AKT1S1: variants seen among roughly 807,000 people sequenced by gnomAD.
AKT1S1 encodes the protein AKT1 substrate 1.
AKT1S1 carries 17 observed loss-of-function variants against 21.2 expected under a neutral mutation model. The observed-to-expected ratio is 0.80, with a 90% CI of 0.55 to 1.20. The LOEUF is 1.20. AKT1S1 is among the 50% of genes most tolerant of loss of function. The pLI is 0.00. For synonymous variants in AKT1S1, 181 were observed against 165.6 expected (o/e 1.09, Z -0.72); for missense variants, 366 against 368.3 (o/e 0.99, Z 0.05).
Position 49,873,224 on chromosome 19 carries a change from A to C in AKT1S1, c.72T>G (p.Thr24=). 6.5e-7 allele frequency: 1 copy of C among 1,535,902 alleles called. No individual in the cohort carries two copies. The highest frequency in any genetic ancestry group is 8.7e-7 in the Non-Finnish European group (1 of 1,150,942). ...VGAAERFRAR[T]GTELVLLTAA... ...CGGTCAGCAGCACCAGCTCCGTGCC[A>C]GTCCGGGCCCGGAAGCGCTCAGCGG... Residue 24 remains threonine (T), a synonymous_variant, in exon 2 of 5, where the codon ACT becomes ACG. Transcript: ENST00000344175. This position sits in a 1 kb window ranked among gnomAD's most constrained non-coding sequence, Gnocchi z 6.9.
At position 49,869,621 on chromosome 19, in the gene AKT1S1, A is replaced by C. The variant is rs998005226; in HGVS notation, c.*296T>G. 9.6e-6 allele frequency: 3 copies of C among 313,550 alleles called. No homozygotes were observed. Among genetic ancestry groups the C allele is most frequent in the Admixed American group, 5.0e-5 (1 of 19,962 alleles). 19.4% of individuals were successfully genotyped at this position (313,550 alleles called of 1,614,324 possible). On this transcript the variant is annotated 3_prime_UTR_variant, in exon 5 of 5. Coordinates refer to ENST00000344175, the MANE Select transcript of AKT1S1 (RefSeq NM_001098633.4). The stretch of plus-strand genomic sequence containing the variant: ...CTTGTCGCTAGGCGGAAAACAAAGG[A>C]GTTGACCCATTTAGAGCTTAGAACT...
intron 4 of AKT1S1, among the ~76,000 whole-genome samples, chr19:49,871,284 T>A (rs1457779321): frequency 6.6e-6 from 1 of 152,220 alleles, no homozygotes. Flanking sequence ...CCAAAACACC[T>A]GTGCCTTGCC....
At chr19:49,877,592 A>G (rs1600439484), upstream of AKT1S1, 1 of 954,400 alleles carries the variant, frequency 1.0e-6, no homozygotes, top group Admixed American at 3.0e-5. Context: ...AAATGGTTTC[A>G]CCCGCTCCTT....
At chr19:49,878,049 C>G (rs1478833630), upstream of AKT1S1, 9 of 1,066,514 alleles carry the variant, frequency 8.4e-6, no homozygotes, top group Non-Finnish European at 1.2e-5. Flanking sequence ...GCCCCGCCCC[C>G]TGAGGGTGGC....
intron 4 of AKT1S1, among the ~76,000 whole-genome samples, 159 bp from the exon 5 acceptor site, chr19:49,870,219 C>T (rs182050956): frequency 1.3e-4 from 20 of 152,352 alleles, no homozygotes; most frequent in African/African-American, 4.3e-4. Context: ...TGCCCCTCCC[C>T]GTCTTGCTCC....
intron 1 of AKT1S1, chr19:49,876,125 G>A (rs1051077756): frequency 2.0e-6 from 2 of 991,050 alleles, no homozygotes; most frequent in Non-Finnish European, 2.4e-6. Context: ...AAGATGTGAG[G>A]AACCTGAGCA....
Position 49,869,898 on chromosome 19 carries a change from G to C in AKT1S1, c.*19C>G. 6.8e-7 allele frequency: 1 copy of C among 1,478,964 alleles called. No homozygotes were observed. The highest frequency in any genetic ancestry group is 9.1e-7 in the Non-Finnish European group (1 of 1,101,898). The allele number at this position is 1,478,964 out of a possible 1,614,324, so 91.6% of individuals were successfully genotyped here. A position where few individuals can be genotyped will look rare whatever the true frequency, so the allele number is the denominator to read the frequency against. On this transcript the variant is annotated 3_prime_UTR_variant, in exon 5 of 5. Coordinates refer to ENST00000344175, the MANE Select transcript of AKT1S1 (RefSeq NM_001098633.4). ...GTGGGACGGGGCGGACGCGGCCCGG[G>C]GCGCTCCCTCCCTGGACTTCAATAT... is the stretch of plus-strand genomic sequence containing the variant.
intron 4 of AKT1S1, among the ~76,000 whole-genome samples, chr19:49,871,223 T>C (rs1290862621): frequency 6.6e-6 from 1 of 152,022 alleles, no homozygotes; most frequent in Non-Finnish European, 1.5e-5. Flanking sequence ...AGGGTGGGGA[T>C]GGGAGGTGAT....
rs913142707 is a variant in AKT1S1 at position 49,869,820 on chromosome 19, G to C, written c.*97C>G. 1.6e-6 allele frequency: 2 copies of C among 1,243,640 alleles called. No homozygotes were observed. The highest frequency in any genetic ancestry group is 2.1e-5 in the South Asian group (1 of 47,612). 77.0% of individuals were successfully genotyped at this position (1,243,640 alleles called of 1,614,324 possible). On this transcript the variant is annotated 3_prime_UTR_variant, in exon 5 of 5. Coordinates refer to ENST00000344175, the MANE Select transcript of AKT1S1 (RefSeq NM_001098633.4). ...GGGAATGGGAGACGCAAGGAGGCCG[G>C]TCCCGGATCGGCCTCAGATTAGCAG...
intron 2 of AKT1S1, 121 bp downstream of exon 2, chr19:49,872,796 G>A (rs1325626908): frequency 2.5e-6 from 3 of 1,211,340 alleles, no homozygotes; most frequent in Non-Finnish European, 3.4e-6. Context: ...GTCTGGCTCT[G>A]GGGTCCTGAG....
intron 1 of AKT1S1, chr19:49,875,892 G>C: frequency 4.1e-6 from 4 of 985,460 alleles, no homozygotes; most frequent in Non-Finnish European, 3.6e-6. Context: ...TTCTAGAGGA[G>C]GTCCTGTTTC....
At position 49,869,629 on chromosome 19, in the gene AKT1S1, C is replaced by T; in HGVS notation, c.*288G>A. The T allele has an allele frequency of 3.0e-6, 1 of 335,046 alleles. No homozygotes were observed. The highest frequency in any genetic ancestry group is 5.4e-6 in the Non-Finnish European group (1 of 183,844). 20.8% of individuals were successfully genotyped at this position (335,046 alleles called of 1,614,324 possible). A position where few individuals can be genotyped will look rare whatever the true frequency, so the allele number is the denominator to read the frequency against. ...TAGGCGGAAAACAAAGGAGTTGACCCATTTAGAGCTTAGAACTCAGCGAGC... is the reference window on the plus strand; with the variant it reads ...TAGGCGGAAAACAAAGGAGTTGACCTATTTAGAGCTTAGAACTCAGCGAGC... On this transcript the variant is annotated 3_prime_UTR_variant, in exon 5 of 5. Coordinates refer to ENST00000344175, the MANE Select transcript of AKT1S1 (RefSeq NM_001098633.4).
chr19:49,877,828 C>T (rs2074969123), upstream of AKT1S1: 3 of 1,468,272 alleles, frequency 2.0e-6, no homozygotes, highest in South Asian at 2.5e-5. Context: ...GGCCTTGGCT[C>T]TCGAGAATCC....
At chr19:49,876,594 T>C in intron 1 of AKT1S1, 1 of 1,513,620 alleles carries the variant, frequency 6.6e-7, no homozygotes, top group East Asian at 2.6e-5. Flanking sequence ...CAACGCCGCC[T>C]CCACTCACGT....
Position 49,873,709 on chromosome 19 carries a change from G to A in AKT1S1, c.-7-407C>T, listed in dbSNP as rs781432936. The A allele has an allele frequency of 5.7e-6, 1 of 174,728 alleles. No homozygotes were observed. 10.8% of individuals were successfully genotyped at this position (174,728 alleles called of 1,614,324 possible). On this transcript the variant is annotated intron_variant, in intron 1 of 4. Coordinates refer to ENST00000344175, the MANE Select transcript of AKT1S1 (RefSeq NM_001098633.4). This position sits in a 1 kb window ranked among gnomAD's most constrained non-coding sequence, Gnocchi z 6.9. ...AAGACTGAGTACAATAAAGCCGAAC[G>A]AGCCGGGCGTGGTGGCTCAGGCCTG...
chr19:49,877,852 CAAACACCGATCTCTTAT>C (rs1005059052), upstream of AKT1S1: 30 of 1,349,960 alleles, frequency 2.2e-5, no homozygotes, highest in Middle Eastern at 5.4e-4. Flanking sequence ...ACGGCCTTGG[CAAACACCGATCTCTTAT>C]AAACGCGCCG....
At chr19:49,878,018 C>A (rs149823478), upstream of AKT1S1, 178 of 846,966 alleles carry the variant, frequency 2.1e-4, no homozygotes, top group African/African-American at 2.2e-3. Context: ...CCGCCTTGGT[C>A]CCGGGGCAAT....
At position 49,873,103 on chromosome 19, in the gene AKT1S1, TGTC is replaced by T; in HGVS notation, c.190_192del (p.Asp64del). On this transcript the variant is annotated inframe_deletion, in exon 2 of 5. Transcript: ENST00000344175. The surrounding 1 kb of genome is among the most constrained non-coding windows in gnomAD (Gnocchi z 6.9). ...GTGGCAGCCCTGTGGGCCAGTGCGA[TGTC>T]GTGGAGGCAACGGCGCGCTGCCTCC... is the stretch of plus-strand genomic sequence containing the variant. 6.5e-7 allele frequency: 1 copy of T among 1,547,796 alleles called. No individual in the cohort carries two copies. Among genetic ancestry groups the T allele is most frequent in the Non-Finnish European group, 8.7e-7 (1 of 1,149,606 alleles).
At position 49,872,966 on chromosome 19, in the gene AKT1S1, G is replaced by T; in HGVS notation, c.330C>A (p.Pro110=). 1 of 1,603,990 alleles carries T rather than the reference G, an allele frequency of 6.2e-7. No individual in the cohort carries two copies. Residue 110 remains proline, a synonymous_variant, in exon 2 of 5, where the codon CCC becomes CCA. Coordinates refer to ENST00000344175, the MANE Select transcript of AKT1S1 (RefSeq NM_001098633.4). ...REDNEEDEDE[P]TETETSGEQL... ...GCTCCCCGGAGGTCTCTGTCTCTGTGGGCTCATCCTCGTCCTCCTCGTTGT... is the reference window on the plus strand; with the variant it reads ...GCTCCCCGGAGGTCTCTGTCTCTGTTGGCTCATCCTCGTCCTCCTCGTTGT...
Sources: gnomAD v4.1 joint callset for allele counts (sites outside exome capture counted in the v4.1 genomes callset) on GRCh38, gnomAD v4.1.1 for gene constraint, Gnocchi (gnomAD v3.1) non-coding constraint, MANE v1.5 for transcripts, NCBI Gene and HGNC (gene_info 2026-07-23, HGNC 2026-07-21) for gene names.